KCND2: variants seen among roughly 807,000 people sequenced by gnomAD.
KCND2 encodes the protein potassium voltage-gated channel subfamily D member 2.
Under a neutral mutation model 54.4 loss-of-function variants are expected in KCND2, and 16 were observed. That is an observed-to-expected ratio of 0.29 (90% CI 0.20 to 0.45). The LOEUF is 0.45. KCND2 is among the 20% of genes least tolerant of loss of function. KCND2 has a pLI of 1.00. For missense variants in KCND2, 486 were observed against 824.2 expected, an observed-to-expected ratio of 0.59 and a Z score of 5.02; for synonymous variants, 317 against 310.7, an observed-to-expected ratio of 1.02 and a Z score of -0.21.
At chr7:120,315,910 A>G (rs1233145748) in intron 1 of KCND2, among the ~76,000 whole-genome samples, 2 of 151,996 alleles carry the variant, frequency 1.3e-5, no homozygotes, top group Non-Finnish European at 2.9e-5. Context: ...TCTTTAGGTA[A>G]CATTTCCAAA....
chr7:120,648,897 A>G (rs999223388), intron 1 of KCND2, among the ~76,000 whole-genome samples: 2 of 152,284 alleles, frequency 1.3e-5, no homozygotes, highest in African/African-American at 4.8e-5. Context: ...TTGTCTTCTA[A>G]TTTCTCAAAA....
chr7:120,385,531 G>A (rs1800975615), intron 1 of KCND2, among the ~76,000 whole-genome samples: 1 of 152,046 alleles, frequency 6.6e-6, no homozygotes, highest in South Asian at 2.1e-4. Flanking sequence ...ATGCTGAAAA[G>A]GGAGAACTTT....
intron 1 of KCND2, among the ~76,000 whole-genome samples, chr7:120,695,640 T>C (rs1437054571): frequency 6.6e-6 from 1 of 152,204 alleles, no homozygotes; most frequent in Non-Finnish European, 1.5e-5. Flanking sequence ...ATATGTGAAC[T>C]TAATAAATAC....
chr7:120,641,378 CAAG>C (rs1162802976), intron 1 of KCND2, among the ~76,000 whole-genome samples: 1 of 152,134 alleles, frequency 6.6e-6, no homozygotes, highest in East Asian at 1.9e-4. Flanking sequence ...GACAGGCAGG[CAAG>C]AAGATTTCCA....
intron 1 of KCND2, among the ~76,000 whole-genome samples, chr7:120,413,291 C>T (rs1422358929): frequency 2.0e-5 from 3 of 151,956 alleles, no homozygotes; most frequent in Admixed American, 6.6e-5. Flanking sequence ...AGATTATCTA[C>T]AGTACCAAAT....
At chr7:120,557,141 A>T (rs1433224216) in intron 1 of KCND2, among the ~76,000 whole-genome samples, 1 of 152,162 alleles carries the variant, frequency 6.6e-6, no homozygotes, top group Admixed American at 6.5e-5. Context: ...AGCTATACAG[A>T]TAGATTTCTT....
At chr7:120,364,123 A>C (rs1393412084) in intron 1 of KCND2, among the ~76,000 whole-genome samples, 1 of 152,180 alleles carries the variant, frequency 6.6e-6, no homozygotes, top group Non-Finnish European at 1.5e-5. Context: ...TATTGTTCTT[A>C]GATTTTATAT....
chr7:120,372,407 C>T (rs570673163), intron 1 of KCND2, among the ~76,000 whole-genome samples: 13 of 151,820 alleles, frequency 8.6e-5, no homozygotes, highest in Admixed American at 2.0e-4. Flanking sequence ...TTTAATATTA[C>T]AGCTGTTAGT....
At chr7:120,692,854 C>T (rs1792286590) in intron 1 of KCND2, among the ~76,000 whole-genome samples, 1 of 152,172 alleles carries the variant, frequency 6.6e-6, no homozygotes, top group Non-Finnish European at 1.5e-5. Context: ...AAAGAAGGTG[C>T]TTTATTTTCT....
At chr7:120,621,325 A>ACCTGGGTT (rs1793096564) in intron 1 of KCND2, among the ~76,000 whole-genome samples, 1 of 147,178 alleles carries the variant, frequency 6.8e-6, no homozygotes, top group Non-Finnish European at 1.5e-5. Context: ...GTATCCTGTC[A>ACCTGGGTT]CCTGGGTTCT....
At chr7:120,607,120 G>A (rs913502946) in intron 1 of KCND2, among the ~76,000 whole-genome samples, 1 of 152,072 alleles carries the variant, frequency 6.6e-6, no homozygotes, top group African/African-American at 2.4e-5. Flanking sequence ...TAGGGAACTG[G>A]GGAGAAGAGA....
intron 1 of KCND2, among the ~76,000 whole-genome samples, chr7:120,699,927 C>T (rs1250357202): frequency 1.3e-5 from 2 of 152,070 alleles, no homozygotes; most frequent in African/African-American, 2.4e-5. Flanking sequence ...TAAAGAAACT[C>T]ATGGTAGAAC....
chr7:120,428,313 A>G (rs2116156658), intron 1 of KCND2, among the ~76,000 whole-genome samples: 1 of 152,340 alleles, frequency 6.6e-6, no homozygotes, highest in Middle Eastern at 3.4e-3. Context: ...ATCAATTCCA[A>G]TATGGTGTAA....
At position 120,638,693 on chromosome 7, in the gene KCND2, A is replaced by G. The variant is rs577152387; in HGVS notation, c.1116-94210A>G. On this transcript the variant is annotated intron_variant, in intron 1 of 5. Coordinates refer to ENST00000331113, the MANE Select transcript of KCND2 (RefSeq NM_012281.3). Reference sequence around the variant, plus strand: ...TCCCATTTGTAGATAGTGCTTACATACTGAGTGGGCCTACACATCTCCCTC... The same window carrying G: ...TCCCATTTGTAGATAGTGCTTACATGCTGAGTGGGCCTACACATCTCCCTC... Among the ~76,000 whole-genome samples, 8 of 152,284 alleles carry G rather than the reference A, an allele frequency of 5.3e-5. No homozygotes were observed. The East Asian group carries it at 7.7e-4, about 15-fold the overall frequency.
At chr7:120,486,094 T>G (rs1314511830) in intron 1 of KCND2, among the ~76,000 whole-genome samples, 2 of 152,158 alleles carry the variant, frequency 1.3e-5, no homozygotes, top group African/African-American at 4.8e-5. Flanking sequence ...ATATAATCTT[T>G]GGTGGGCACA....
chr7:120,618,462 G>A (rs1207979433), intron 1 of KCND2, among the ~76,000 whole-genome samples: 1 of 152,068 alleles, frequency 6.6e-6, no homozygotes, highest in Non-Finnish European at 1.5e-5. Flanking sequence ...TCTAAACTGA[G>A]TTACAACTGC....
intron 1 of KCND2, among the ~76,000 whole-genome samples, chr7:120,413,322 A>C (rs2116113394): frequency 6.6e-6 from 1 of 152,108 alleles, no homozygotes; most frequent in Non-Finnish European, 1.5e-5. Flanking sequence ...CATTTAGATA[A>C]ATTATTTTTT....
intron 1 of KCND2, among the ~76,000 whole-genome samples, chr7:120,546,071 A>C (rs1792038890): frequency 6.6e-6 from 1 of 151,956 alleles, no homozygotes; most frequent in African/African-American, 2.4e-5. Context: ...AATAACATTC[A>C]CAATACATGT....
intron 1 of KCND2, among the ~76,000 whole-genome samples, chr7:120,617,003 A>C (rs536989652): frequency 6.6e-6 from 1 of 152,324 alleles, no homozygotes; most frequent in South Asian, 2.1e-4. Flanking sequence ...AAATGGATTA[A>C]CTAACCCAAG....
Sources: allele counts gnomAD v4.1 joint callset (sites outside exome capture counted in the v4.1 genomes callset), GRCh38; gene constraint gnomAD v4.1.1; transcripts MANE v1.5; gene names NCBI Gene and HGNC (gene_info 2026-07-23, HGNC 2026-07-21).